The following PDE4B variants were observed in gnomAD, a reference collection of about 807,000 sequenced individuals.
PDE4B encodes phosphodiesterase 4B.
Under a neutral mutation model 82.2 loss-of-function variants are expected in PDE4B, and 20 were observed. The observed-to-expected ratio is 0.24, with a 90% confidence interval of 0.17 to 0.35. PDE4B has a LOEUF of 0.35. PDE4B is among the 10% of genes least tolerant of loss of function. PDE4B has a pLI of 1.00. For missense variants in PDE4B, 655 were observed against 907.2 expected (o/e 0.72, Z 3.57); for synonymous variants, 320 against 318.9 (o/e 1.00, Z -0.04).
At chr1:65,955,016 T>C (rs1407523586) in intron 3 of PDE4B, among the ~76,000 whole-genome samples, 1 of 152,136 alleles carries the variant, frequency 6.6e-6, no homozygotes, top group Non-Finnish European at 1.5e-5. Flanking sequence ...ACTGCATCAA[T>C]TTGTGATTCT....
At chr1:66,020,687 T>C (rs1299082878) in intron 3 of PDE4B, among the ~76,000 whole-genome samples, 1 of 152,246 alleles carries the variant, frequency 6.6e-6, no homozygotes, top group African/African-American at 2.4e-5. Flanking sequence ...GGTGTATATG[T>C]GCCACATTTT....
At chr1:65,810,797 C>T (rs1472210067) in intron 1 of PDE4B, among the ~76,000 whole-genome samples, 1 of 151,974 alleles carries the variant, frequency 6.6e-6, no homozygotes, top group Admixed American at 6.6e-5. Context: ...CTATTTAATT[C>T]TTTTCTTAAG....
chr1:66,312,313 C>T (rs2180336), intron 7 of PDE4B, among the ~76,000 whole-genome samples: 57,446 of 152,072 alleles, frequency 0.38, 12,908 homozygotes, highest in East Asian at 0.8. Context: ...TGGCTTAAAA[C>T]GACACAAACC....
At chr1:66,292,533 T>C (rs1360235895) in intron 7 of PDE4B, among the ~76,000 whole-genome samples, 4 of 152,194 alleles carry the variant, frequency 2.6e-5, no homozygotes, top group Admixed American at 2.6e-4. Flanking sequence ...TGACTTTGCA[T>C]GGTTATTGTA....
At chr1:66,122,699 T>A (rs2101083061) in intron 3 of PDE4B, among the ~76,000 whole-genome samples, 1 of 91,116 alleles carries the variant, frequency 1.1e-5, no homozygotes, top group Non-Finnish European at 2.2e-5. Flanking sequence ...CTTTCTCTTC[T>A]TTTCTTTTTT....
intron 3 of PDE4B, among the ~76,000 whole-genome samples, chr1:65,967,638 G>A (rs1649906674): frequency 6.6e-6 from 1 of 152,184 alleles, no homozygotes; most frequent in Non-Finnish European, 1.5e-5. Flanking sequence ...ATCAGTGATA[G>A]ATTGGATAAA....
chr1:66,371,327 G>C (rs1294422672), intron 16 of PDE4B, among the ~76,000 whole-genome samples: 1 of 150,834 alleles, frequency 6.6e-6, no homozygotes, highest in African/African-American at 2.5e-5. Context: ...CAGCATCTCT[G>C]TAGCTCCCCA....
chr1:65,918,596 G>A lies in PDE4B; in HGVS notation c.43-1G>A. 6.5e-7 allele frequency: 1 copy of A among 1,547,296 alleles called. No individual in the cohort carries two copies. The highest frequency in any genetic ancestry group is 8.9e-7 in the Non-Finnish European group (1 of 1,119,440). ...TTTTTCTTTCCCTGTGGTTCCTCCA[G>A]AATGTTAAAGATTATTTTGAATGTA... On this transcript the variant is annotated splice_acceptor_variant, in intron 2 of 16. Transcript: ENST00000341517. LOFTEE classifies it high-confidence loss of function.
chr1:66,139,422 G>A (rs773104103), intron 3 of PDE4B, among the ~76,000 whole-genome samples: 5 of 151,912 alleles, frequency 3.3e-5, no homozygotes, highest in Admixed American at 6.5e-5. Flanking sequence ...GCAAAGGCAC[G>A]CCCTTCTAAT....
At position 66,266,043 on chromosome 1, in the gene PDE4B, C is replaced by T. The variant is rs1406704362; in HGVS notation, c.590C>T (p.Ser197Phe). The T allele has an allele frequency of 3.1e-6, 5 of 1,612,950 alleles. No individual in the cohort carries two copies. Among genetic ancestry groups the T allele is most frequent in the South Asian group, 1.1e-5 (1 of 91,058 alleles). The change falls in exon 7 of 17, where the codon TCC becomes TTC. Residue 197 changes from serine to phenylalanine, a missense_variant. Ser to Phe is a radical substitution (Grantham distance 155, BLOSUM62 -2). Transcript: ENST00000341517. ...TNLHGTSNKR[S>F]PAASQPPVSR... ...TCTTTTCTCTGTCTCCACAGGAGGT[C>T]CCCAGCTGCTAGTCAGCCTCCTGTC...
chr1:66,087,966 T>A (rs1016143463), intron 3 of PDE4B, among the ~76,000 whole-genome samples: 18 of 151,576 alleles, frequency 1.2e-4, no homozygotes, highest in Non-Finnish European at 2.4e-4. Flanking sequence ...CATGTATACA[T>A]GTGTAACTAA....
At chr1:66,184,277 G>A (rs1178293917) in intron 3 of PDE4B, among the ~76,000 whole-genome samples, 2 of 152,100 alleles carry the variant, frequency 1.3e-5, no homozygotes, top group Admixed American at 6.6e-5. Context: ...CCAATTAGGA[G>A]GTTCCATATA....
chr1:66,166,518 G>A (rs908979953), intron 3 of PDE4B, among the ~76,000 whole-genome samples: 1 of 152,068 alleles, frequency 6.6e-6, no homozygotes, highest in African/African-American at 2.4e-5. Context: ...GGCAGATCAC[G>A]AGGTCAGGAG....
At chr1:65,892,042 A>T (rs1434988456) in intron 1 of PDE4B, among the ~76,000 whole-genome samples, 1 of 152,078 alleles carries the variant, frequency 6.6e-6, no homozygotes, top group Non-Finnish European at 1.5e-5. Flanking sequence ...TTCTGCCTTG[A>T]TGTAAGAGAA....
intron 3 of PDE4B, among the ~76,000 whole-genome samples, chr1:66,129,659 C>CAAAAAA (rs59846345): frequency 1.1e-5 from 1 of 94,794 alleles, no homozygotes; most frequent in Admixed American, 9.9e-5. Flanking sequence ...GACTCCGTCT[C>CAAAAAA]AAAAAAAAAA....
In PDE4B at chr1:66,266,632, T is replaced by C. The variant is rs537539978; in HGVS notation, c.634+545T>C. 1.6e-4 allele frequency: 80 copies of C among 485,726 alleles called. 1 individual carries two copies. The highest frequency in any genetic ancestry group is 1.3e-3 in the South Asian group (80 of 63,546). The allele number at this position is 485,726 out of a possible 1,614,324, so 30.1% of individuals were successfully genotyped here. On this transcript the variant is annotated intron_variant, in intron 7 of 16. Coordinates refer to ENST00000341517, the MANE Select transcript of PDE4B (RefSeq NM_002600.4). ...TCCTCAACGGTGTTTTGTTTTGTTT[T>C]GTTTTTTGTTTTTTAAGAACCTAAC...
At chr1:66,347,025 C>T (rs1004662434) in intron 8 of PDE4B, among the ~76,000 whole-genome samples, 62 of 152,242 alleles carry the variant, frequency 4.1e-4, no homozygotes, top group South Asian at 2.1e-4. Context: ...GCTCCTATGT[C>T]ATATTTTATT....
intron 3 of PDE4B, among the ~76,000 whole-genome samples, chr1:66,100,472 G>T (rs937923701): frequency 6.6e-6 from 1 of 152,152 alleles, no homozygotes; most frequent in Non-Finnish European, 1.5e-5. Context: ...ACTAGTACAT[G>T]TAAATGCTTA....
intron 7 of PDE4B, among the ~76,000 whole-genome samples, chr1:66,317,492 G>A (rs954587907): frequency 1.3e-5 from 2 of 151,958 alleles, no homozygotes; most frequent in Middle Eastern, 3.4e-3. Flanking sequence ...TGGTGTAGAT[G>A]ATAAGATTTG....
Sources: allele counts gnomAD v4.1 joint callset (sites outside exome capture counted in the v4.1 genomes callset), GRCh38; gene constraint gnomAD v4.1.1; transcripts MANE v1.5; gene names NCBI Gene and HGNC (gene_info 2026-07-23, HGNC 2026-07-21).